Variants in MLLT6 observed in about 807,000 individuals in gnomAD.
The protein encoded by MLLT6 is protein AF-17.
Under a neutral mutation model 103.0 loss-of-function variants are expected in MLLT6, and 22 were observed. The ratio of observed to expected loss-of-function variants is 0.21; its 90% CI spans 0.15 to 0.31. The LOEUF (loss-of-function observed/expected upper bound fraction) is 0.31. Among genes scored for constraint, MLLT6 ranks in the 10% least tolerant of loss-of-function variants. The pLI, the probability that MLLT6 is intolerant of heterozygous loss-of-function variation, is 1.00. For synonymous variants in MLLT6, 606 were observed against 623.5 expected (o/e 0.97, Z 0.42); for missense variants, 1,199 against 1,441.7 (o/e 0.83, Z 2.73).
At position 38,705,383 on chromosome 17, in the gene MLLT6, T is replaced by TG. The variant is rs561223711; in HGVS notation, c.-242dup. On this transcript the variant is annotated 5_prime_UTR_variant, in exon 1 of 20. Coordinates refer to ENST00000621332, the MANE Select transcript of MLLT6 (RefSeq NM_005937.4). ...GCCCGGCGTGCGAGTCTCATTGTTG[T>TG]GGGGGGGGCCCGTCGGGGCATGAGG... is the stretch of plus-strand genomic sequence containing the variant. 0.16 allele frequency among the ~76,000 whole-genome samples: 18,964 copies of TG among 121,620 alleles called. 1,488 individuals carry two copies. The highest frequency in any genetic ancestry group is 0.21 in the Non-Finnish European group (11,978 of 56,632). 79.8% of individuals were successfully genotyped at this position (121,620 alleles called of 152,430 possible).
chr17:38,720,397 C>T lies in MLLT6; in HGVS notation c.2181C>T (p.His727=), dbSNP rs1379651640. 2 of 1,611,758 alleles carry T rather than the reference C, an allele frequency of 1.2e-6. No homozygotes were observed. Among genetic ancestry groups the T allele is most frequent in the Admixed American group, 1.7e-5 (1 of 59,996 alleles). The part of the protein sequence containing the change: ...VNIVEMLKAL[H]ALQKENQRLQ... ...TCGTGGAGATGCTGAAGGCGCTGCA[C>T]GCGCTGCAGAAGGAGAACCAGCGGC... The change falls in exon 15 of 20, where the codon CAC becomes CAT. Residue 727 remains histidine (H), a synonymous_variant. Transcript: ENST00000621332.
chr17:38,709,482 T>C lies in MLLT6; in HGVS notation c.459T>C (p.Cys153=). 1.2e-6 allele frequency: 2 copies of C among 1,614,018 alleles called. No individual in the cohort carries two copies. The highest frequency in any genetic ancestry group is 1.7e-6 in the Non-Finnish European group (2 of 1,179,830). ...HGCRQAFHVT[C]AQMAGLLCEE... ...GTCTCAGGCTGCCTTCTCTGGTTAGTGCCCAAATGGCAGGCTTGCTGTGTG... is the reference window on the plus strand; with the variant it reads ...GTCTCAGGCTGCCTTCTCTGGTTAGCGCCCAAATGGCAGGCTTGCTGTGTG... Residue 153 remains cysteine (C), a splice_region_variant and synonymous_variant, in exon 6 of 20, where the codon TGT becomes TGC. Transcript: ENST00000621332. This position sits in a 1 kb window ranked among gnomAD's most constrained non-coding sequence, Gnocchi z 4.3.
intron 8 of MLLT6, chr17:38,713,197 A>C: frequency 3.4e-6 from 2 of 595,138 alleles, no homozygotes; most frequent in Admixed American, 2.5e-5. Context: ...CCCAAATCCC[A>C]CTCTGTGCAG....
intron 17 of MLLT6, 44 bp from the exon 18 acceptor site, chr17:38,722,634 T>TGGGGGGGGGGGTGTGGGGGGGGGGGGGGG: frequency 1.9e-6 from 1 of 532,160 alleles, no homozygotes; most frequent in Non-Finnish European, 3.6e-6. Flanking sequence ...CCCTCCCCCA[T>TGGGGGGGGGGGTGTGGGGGGGGGGGGGGG]GGTCTGTGTG....
At chr17:38,723,891 T>C (rs982584194) in intron 18 of MLLT6, among the ~76,000 whole-genome samples, 2 of 150,816 alleles carry the variant, frequency 1.3e-5, no homozygotes, top group Non-Finnish European at 3.0e-5. Context: ...TACAGGTGCA[T>C]GCCACCATGC....
intron 1 of MLLT6, 48 bp downstream of exon 1, chr17:38,705,789 CGCGG>C: frequency 1.1e-6 from 1 of 910,186 alleles, no homozygotes; most frequent in Non-Finnish European, 1.4e-6. Context: ...GGGCGGCGTG[CGCGG>C]GGCGCCCCCG....
intron 4 of MLLT6, 112 bp downstream of exon 4, chr17:38,707,984 C>A: frequency 1.3e-6 from 1 of 744,800 alleles, no homozygotes; most frequent in Non-Finnish European, 2.3e-6. Flanking sequence ...TGAAAGGGAA[C>A]TTGGGAGGTG....
Position 38,719,797 on chromosome 17 carries a change from C to T in MLLT6, c.2057C>T (p.Ala686Val), listed in dbSNP as rs1286709926. ...LPALFDQTAS[A>V]PCGGGQLDPA... ...GCACTCTTCGACCAGACAGCCTCTGCACCCTGTGGGGGCGGCCAGTTAGAC... is the reference window on the plus strand; with the variant it reads ...GCACTCTTCGACCAGACAGCCTCTGTACCCTGTGGGGGCGGCCAGTTAGAC... The change falls in exon 14 of 20, where the codon GCA (alanine) becomes GTA (valine). Residue 686 changes from alanine (A) to valine (V), a missense_variant. Ala to Val is a moderately conservative substitution (Grantham distance 64). Around this residue, in one of 7 missense-constraint regions of MLLT6, gnomAD observed 1,034 missense variants for 1,091.5 expected, o/e 0.95. Transcript: ENST00000621332. The T allele has an allele frequency of 5.0e-6, 8 of 1,613,358 alleles. No homozygotes were observed. Among genetic ancestry groups the T allele is most frequent in the African/African-American group, 1.3e-5 (1 of 74,924 alleles).
Position 38,724,355 on chromosome 17 carries a change from T to C in MLLT6, c.2884-265T>C, listed in dbSNP as rs1390707362. On this transcript the variant is annotated intron_variant, in intron 18 of 19. Coordinates refer to ENST00000621332, the MANE Select transcript of MLLT6 (RefSeq NM_005937.4). This position sits in a 1 kb window ranked among gnomAD's most constrained non-coding sequence, Gnocchi z 5.4. ...TCTTAGGAGCTGAGGGGTGATTCTG[T>C]GGGCAGGGCCAGAGATATTAAATAC... 2.3e-6 allele frequency: 1 copy of C among 425,838 alleles called. No individual in the cohort carries two copies. Among genetic ancestry groups the C allele is most frequent in the Non-Finnish European group, 4.1e-6 (1 of 241,414 alleles). The allele number at this position is 425,838 out of a possible 1,614,324, so 26.4% of individuals were successfully genotyped here. A position where few individuals can be genotyped will look rare whatever the true frequency, so the allele number is the denominator to read the frequency against.
rs1349348515 is a variant in MLLT6, at chr17:38,719,658, G to C, written c.2009+75G>C. On this transcript the variant is annotated intron_variant, in intron 13 of 19. Transcript: ENST00000621332. ...CGAGGGAGGAGGGACGGAGAGACCGGCGTGGGCTGGAACCCCTGGGGGATA... is the reference window on the plus strand; with the variant it reads ...CGAGGGAGGAGGGACGGAGAGACCGCCGTGGGCTGGAACCCCTGGGGGATA... The C allele has an allele frequency of 1.9e-6, 3 of 1,567,240 alleles. 1 individual carries two copies.
rs371519405 is a variant in MLLT6, at chr17:38,715,620, C to T, written c.828C>T (p.Ser276=). ...PVVPTADKVS[S]SASSSSHHEA... ...TCTCTCCTCTCCTTCAGGTCTCCTC[C>T]TCGGCTTCCTCTTCCTCCCACCACG... Residue 276 remains serine (S), a synonymous_variant, in exon 9 of 20, where the codon TCC becomes TCT. Coordinates refer to ENST00000621332, the MANE Select transcript of MLLT6 (RefSeq NM_005937.4). 51 of 1,612,228 alleles carry T rather than the reference C, an allele frequency of 3.2e-5. No individual in the cohort carries two copies. Among genetic ancestry groups the T allele is most frequent in the Middle Eastern group, 1.8e-4 (1 of 5,546 alleles).
Position 38,705,620 on chromosome 17 carries a change from A to G in MLLT6, c.-13A>G. ...GGCCCCCCGCCCCAGCCCCGGAGGG[A>G]GCTCATGGGAGTATGAAGGAGATGG... is the stretch of plus-strand genomic sequence containing the variant. On this transcript the variant is annotated 5_prime_UTR_variant, in exon 1 of 20. Transcript: ENST00000621332. The G allele has an allele frequency of 9.3e-7, 1 of 1,070,964 alleles. No individual in the cohort carries two copies. Among genetic ancestry groups the G allele is most frequent in the Non-Finnish European group, 1.3e-6 (1 of 783,110 alleles). 66.3% of individuals were successfully genotyped at this position (1,070,964 alleles called of 1,614,324 possible).
At chr17:38,712,857 C>T (rs957681629) in intron 8 of MLLT6, 68 bp downstream of exon 8, 20 of 1,224,996 alleles carry the variant, frequency 1.6e-5, no homozygotes, top group African/African-American at 1.2e-4. Context: ...GAGGCGGGGG[C>T]GAGAGGTTGG....
chr17:38,719,925 C>T (rs1905603038), intron 14 of MLLT6, 30 bp downstream of exon 14: 2 of 1,544,702 alleles, frequency 1.3e-6, no homozygotes, highest in Admixed American at 2.0e-5. Flanking sequence ...GTCGGGACGC[C>T]TGCCCTAGGG....
chr17:38,725,528 AC>A (rs1598004571), intron 19 of MLLT6, 28 bp from the exon 20 acceptor site: 1 of 1,603,074 alleles, frequency 6.2e-7, no homozygotes, highest in Middle Eastern at 1.7e-4. Context: ...CACTTTCCAC[AC>A]CCCCGGCCTC....
At position 38,715,511 on chromosome 17, in the gene MLLT6, C is replaced by T. The variant is rs554135901; in HGVS notation, c.820-101C>T. ...TTCATGAAACTAGCTGTGGGCTCTC[C>T]CAGTTGAGCTAGGTCCTGTGCCCTC... On this transcript the variant is annotated intron_variant, in intron 8 of 19. Transcript: ENST00000621332. The T allele has an allele frequency of 8.3e-6, 12 of 1,442,086 alleles. No individual in the cohort carries two copies. In the African/African-American group the frequency reaches 1.3e-4, roughly 15 times the overall value. 89.3% of individuals were successfully genotyped at this position (1,442,086 alleles called of 1,614,324 possible). A position where few individuals can be genotyped will look rare whatever the true frequency, so the allele number is the denominator to read the frequency against.
intron 12 of MLLT6, 98 bp downstream of exon 12, chr17:38,718,051 G>C: frequency 1.2e-6 from 1 of 847,560 alleles, no homozygotes; most frequent in Admixed American, 2.2e-5. Context: ...CTTTCTGGCT[G>C]CCCCCTCCCT....
Position 38,727,785 on chromosome 17 carries a change from A to T in MLLT6, c.*2187A>T. ...ACTCCAGCCTGTGTGAGAGAGTGAG[A>T]CTCTGTCTCAAAAGAGAAAAAAAAA... On this transcript the variant is annotated 3_prime_UTR_variant, in exon 20 of 20. Transcript: ENST00000621332. 4.4e-6 allele frequency: 1 copy of T among 225,340 alleles called. No individual in the cohort carries two copies. Among genetic ancestry groups the T allele is most frequent in the East Asian group, 6.4e-5 (1 of 15,604 alleles). 14.0% of individuals were successfully genotyped at this position (225,340 alleles called of 1,614,324 possible).
Position 38,720,865 on chromosome 17 carries a change from T to G in MLLT6, c.2442+118T>G, listed in dbSNP as rs752724667. ...TGAAGTGACTGACTGAGCAATTGATTGATCCATTCAGTCCTCCCTTAATCA... is the reference window on the plus strand; with the variant it reads ...TGAAGTGACTGACTGAGCAATTGATGGATCCATTCAGTCCTCCCTTAATCA... On this transcript the variant is annotated intron_variant, in intron 16 of 19. Coordinates refer to ENST00000621332, the MANE Select transcript of MLLT6 (RefSeq NM_005937.4). 27 of 866,512 alleles carry G rather than the reference T, an allele frequency of 3.1e-5. No homozygotes were observed. In the Admixed American group the frequency reaches 3.3e-4, roughly 10 times the overall value. 53.7% of individuals were successfully genotyped at this position (866,512 alleles called of 1,614,324 possible). A position where few individuals can be genotyped will look rare whatever the true frequency, so the allele number is the denominator to read the frequency against.
Sources: gnomAD v4.1 joint callset for allele counts (sites outside exome capture counted in the v4.1 genomes callset) on GRCh38, gnomAD v4.1.1 for gene constraint, gnomAD v4.1.1 regional missense constraint, Gnocchi (gnomAD v3.1) non-coding constraint, MANE v1.5 for transcripts, NCBI Gene and HGNC (gene_info 2026-07-23, HGNC 2026-07-21) for gene names.